The following PPIE variants were observed in gnomAD, a reference collection of about 807,000 sequenced individuals.
The protein encoded by PPIE is peptidyl-prolyl cis-trans isomerase E.
Under a neutral mutation model 38.4 loss-of-function variants are expected in PPIE, and 20 were observed. The ratio of observed to expected loss-of-function variants is 0.52; its 90% confidence interval spans 0.37 to 0.76. PPIE has a LOEUF of 0.76. PPIE is among the 30% of genes least tolerant of loss of function. The pLI is 0.00. For synonymous variants in PPIE, 142 were observed against 135.7 expected, an observed-to-expected ratio of 1.05 and a Z score of -0.32; for missense variants, 322 against 385.8, an observed-to-expected ratio of 0.83 and a Z score of 1.39.
intron 7 of PPIE, 173 bp from the exon 8 acceptor site, chr1:39,748,730 C>T (rs746718681): frequency 1.1e-5 from 7 of 616,262 alleles, no homozygotes; most frequent in Admixed American, 3.1e-5. Flanking sequence ...AGTGAAACTC[C>T]GTCTCAAGGA....
At position 39,753,484 on chromosome 1, in the gene PPIE, C is replaced by CAA; in HGVS notation, c.*129_*130insAA. 6.7e-7 allele frequency: 1 copy of CAA among 1,481,498 alleles called. No homozygotes were observed. Among genetic ancestry groups the CAA allele is most frequent in the Non-Finnish European group, 9.0e-7 (1 of 1,117,226 alleles). The allele number at this position is 1,481,498 out of a possible 1,614,324, so 91.8% of individuals were successfully genotyped here. On this transcript the variant is annotated 3_prime_UTR_variant, in exon 10 of 10. Coordinates refer to ENST00000324379, the MANE Select transcript of PPIE (RefSeq NM_006112.4). ...GCAGCATTTGGGATATGTGCCCTTC[C>CAA]TCAGGGTCTGCTTGGAGCAGCTCCT... is the stretch of plus-strand genomic sequence containing the variant.
In PPIE at chr1:39,756,248, C is replaced by T. The variant is rs935052653; in HGVS notation, c.*2893C>T. ...CTTTCCTGCAGCCTGGAGAGCAAAG[C>T]GGCTTTCCCTGGGACTGTGTGGCTC... is the stretch of plus-strand genomic sequence containing the variant. On this transcript the variant is annotated 3_prime_UTR_variant, in exon 10 of 10. Transcript: ENST00000324379. 8.1e-5 allele frequency: 80 copies of T among 985,356 alleles called. No homozygotes were observed. Among genetic ancestry groups the T allele is most frequent in the Non-Finnish European group, 9.2e-5 (76 of 829,948 alleles). The allele number at this position is 985,356 out of a possible 1,614,324, so 61.0% of individuals were successfully genotyped here.
chr1:39,762,015 C>T (rs184608570), intron 9 of PPIE, among the ~76,000 whole-genome samples: 2 of 152,352 alleles, frequency 1.3e-5, no homozygotes, highest in East Asian at 3.9e-4. Context: ...GCCTCCCACA[C>T]ATGCAGCCAT....
intron 9 of PPIE, chr1:39,762,653 T>G: frequency 6.5e-7 from 1 of 1,539,472 alleles, no homozygotes; most frequent in Non-Finnish European, 8.8e-7. Flanking sequence ...GCGGCACAGG[T>G]GGGTGAGTGC....
chr1:39,755,095 C>G lies in PPIE; in HGVS notation c.*1740C>G. The G allele has an allele frequency of 1.0e-6, 1 of 985,460 alleles. No homozygotes were observed. Among genetic ancestry groups the G allele is most frequent in the Non-Finnish European group, 1.2e-6 (1 of 829,940 alleles). The allele number at this position is 985,460 out of a possible 1,614,324, so 61.0% of individuals were successfully genotyped here. A position where few individuals can be genotyped will look rare whatever the true frequency, so the allele number is the denominator to read the frequency against. On this transcript the variant is annotated 3_prime_UTR_variant, in exon 10 of 10. Transcript: ENST00000324379. ...GTGTGCAGCCACTTCTTGGAGCTGG[C>G]TTCTCTCCACTCCCCCTCCAGATGC...
intron 7 of PPIE, 146 bp from the exon 8 acceptor site, chr1:39,748,757 G>T (rs574105257): frequency 1.5e-5 from 11 of 711,442 alleles, no homozygotes; most frequent in East Asian, 5.5e-5. Context: ...ATCCCTTATA[G>T]TCCTTACAAG....
downstream of PPIE, chr1:39,758,914 T>C (rs885784): frequency 7.9e-5 from 12 of 152,250 alleles, no homozygotes; most frequent in East Asian, 3.9e-4. Flanking sequence ...TGGACCAGCT[T>C]TCCCCAGGCC....
Position 39,756,586 on chromosome 1 carries a change from T to C in PPIE, c.*3231T>C. 1 of 985,430 alleles carries C rather than the reference T, an allele frequency of 1.0e-6. No individual in the cohort carries two copies. Among genetic ancestry groups the C allele is most frequent in the Non-Finnish European group, 1.2e-6 (1 of 829,928 alleles). The allele number at this position is 985,430 out of a possible 1,614,324, so 61.0% of individuals were successfully genotyped here. On this transcript the variant is annotated 3_prime_UTR_variant, in exon 10 of 10. Coordinates refer to ENST00000324379, the MANE Select transcript of PPIE (RefSeq NM_006112.4). ...AGAAGGAATTATAGAACCAACTTTTTATTGTTGAAAATGGAGTCTTGTAGA... is the reference window on the plus strand; with the variant it reads ...AGAAGGAATTATAGAACCAACTTTTCATTGTTGAAAATGGAGTCTTGTAGA...
In PPIE at chr1:39,755,773, C is replaced by T. The variant is rs1434007226; in HGVS notation, c.*2418C>T. The stretch of plus-strand genomic sequence containing the variant: ...AGCCATTGGGTGTGGACTCCTCTCC[C>T]AGTGTTCCTCCTGGGTGTTCACAGA... On this transcript the variant is annotated 3_prime_UTR_variant, in exon 10 of 10. Transcript: ENST00000324379. 1.0e-6 allele frequency: 1 copy of T among 985,272 alleles called. No individual in the cohort carries two copies. The highest frequency in any genetic ancestry group is 1.2e-6 in the Non-Finnish European group (1 of 829,908). The allele number at this position is 985,272 out of a possible 1,614,324, so 61.0% of individuals were successfully genotyped here. A position where few individuals can be genotyped will look rare whatever the true frequency, so the allele number is the denominator to read the frequency against.
At position 39,740,315 on chromosome 1, in the gene PPIE, A is replaced by G. The variant is rs750183078; in HGVS notation, c.130+52A>G. ...ATCCTCTTACTAGGAAAATACCTTAAAAAATTAAAGTCACATCACAATTCT... is the reference window on the plus strand; with the variant it reads ...ATCCTCTTACTAGGAAAATACCTTAGAAAATTAAAGTCACATCACAATTCT... On this transcript the variant is annotated intron_variant, in intron 2 of 9. Transcript: ENST00000324379. 1.7e-5 allele frequency: 25 copies of G among 1,451,182 alleles called. No individual in the cohort carries two copies. The South Asian group carries it at 2.7e-4, about 16-fold the overall frequency. 89.9% of individuals were successfully genotyped at this position (1,451,182 alleles called of 1,614,324 possible).
In PPIE at chr1:39,754,108, G is replaced by A; in HGVS notation, c.*753G>A. 1 of 974,378 alleles carries A rather than the reference G, an allele frequency of 1.0e-6. No individual in the cohort carries two copies. Among genetic ancestry groups the A allele is most frequent in the Non-Finnish European group, 1.2e-6 (1 of 819,890 alleles). 60.4% of individuals were successfully genotyped at this position (974,378 alleles called of 1,614,324 possible). ...GAGACAGGAAGCCAACAAACTACAT[G>A]TGCCTAATCCAGCCCACTGCCTGTT... is the stretch of plus-strand genomic sequence containing the variant. On this transcript the variant is annotated 3_prime_UTR_variant, in exon 10 of 10. Coordinates refer to ENST00000324379, the MANE Select transcript of PPIE (RefSeq NM_006112.4).
intron 9 of PPIE, chr1:39,763,326 C>T: frequency 1.0e-6 from 1 of 1,000,066 alleles, no homozygotes; most frequent in Non-Finnish European, 1.5e-6. Flanking sequence ...CCAGGAACCC[C>T]CGGCAGAAAA....
At chr1:39,741,540 G>T in intron 3 of PPIE, 131 bp downstream of exon 3, 1 of 949,680 alleles carries the variant, frequency 1.1e-6, no homozygotes. Context: ...AGAAGTAAGT[G>T]CTGTTCTAAG....
chr1:39,759,851 C>T (rs1455950628), downstream of PPIE: 2 of 153,112 alleles, frequency 1.3e-5, no homozygotes, highest in East Asian at 1.9e-4. Context: ...TGAGTTGACT[C>T]CACATGTCTA....
rs1393346221 is a variant in PPIE at position 39,753,513 on chromosome 1, C to T, written c.*158C>T. ...GGGTCTGCTTGGAGCAGCTCCTCTG[C>T]AGGCACAGCCTGGACTATTCCCAGG... On this transcript the variant is annotated 3_prime_UTR_variant, in exon 10 of 10. Coordinates refer to ENST00000324379, the MANE Select transcript of PPIE (RefSeq NM_006112.4). 1 of 1,438,304 alleles carries T rather than the reference C, an allele frequency of 7.0e-7. No individual in the cohort carries two copies. Among genetic ancestry groups the T allele is most frequent in the South Asian group, 1.5e-5 (1 of 68,250 alleles). 89.1% of individuals were successfully genotyped at this position (1,438,304 alleles called of 1,614,324 possible).
intron 7 of PPIE, 62 bp downstream of exon 7, chr1:39,745,560 A>G (rs1569661315): frequency 6.2e-7 from 1 of 1,608,770 alleles, no homozygotes; most frequent in Non-Finnish European, 8.5e-7. Flanking sequence ...AGCCTTTCCC[A>G]GGTTCTTACT....
chr1:39,762,952 G>T, intron 9 of PPIE: 1 of 1,083,316 alleles, frequency 9.2e-7, no homozygotes, highest in South Asian at 1.5e-5. Flanking sequence ...TGGGAAGTTA[G>T]CGACGTTACT....
downstream of PPIE, chr1:39,760,294 G>A (rs1000876989): frequency 3.4e-5 from 49 of 1,433,880 alleles, no homozygotes; most frequent in African/African-American, 8.4e-5. Flanking sequence ...GGTCATGTAC[G>A]TGGTTGTGAG....
chr1:39,754,132 T>A lies in PPIE; in HGVS notation c.*777T>A. On this transcript the variant is annotated 3_prime_UTR_variant, in exon 10 of 10. Transcript: ENST00000324379. The stretch of plus-strand genomic sequence containing the variant: ...TGTGCCTAATCCAGCCCACTGCCTG[T>A]TTTTATGAATCAGGTTTTATTGGAA... 1 of 917,056 alleles carries A rather than the reference T, an allele frequency of 1.1e-6. No individual in the cohort carries two copies. The highest frequency in any genetic ancestry group is 1.3e-6 in the Non-Finnish European group (1 of 767,850). 56.8% of individuals were successfully genotyped at this position (917,056 alleles called of 1,614,324 possible).
Sources: gnomAD v4.1 joint callset for allele counts (sites outside exome capture counted in the v4.1 genomes callset) on GRCh38, gnomAD v4.1.1 for gene constraint, MANE v1.5 for transcripts, NCBI Gene and HGNC (gene_info 2026-07-23, HGNC 2026-07-21) for gene names.